Variants in MTUS2 observed in about 807,000 individuals in gnomAD.
The protein encoded by MTUS2 is microtubule-associated tumor suppressor candidate 2.
Under a neutral mutation model 114.1 loss-of-function variants are expected in MTUS2, and 40 were observed. The ratio of observed to expected loss-of-function variants is 0.35; its 90% CI spans 0.27 to 0.46. The LOEUF is 0.46. Among genes scored for constraint, MTUS2 ranks in the 20% least tolerant of loss-of-function variants. The pLI is 1.00. For synonymous variants in MTUS2, 688 were observed against 672.0 expected (o/e 1.02, Z -0.37); for missense variants, 1,679 against 1,705.4 (o/e 0.98, Z 0.27).
chr13:29,431,722 C>T (rs549710147), intron 8 of MTUS2, among the ~76,000 whole-genome samples: 1 of 152,304 alleles, frequency 6.6e-6, no homozygotes, highest in African/African-American at 2.4e-5. Flanking sequence ...CTTTTAGCCT[C>T]ATTTTATGAA....
At chr13:29,033,702 TC>T (rs2138519783) in intron 3 of MTUS2, among the ~76,000 whole-genome samples, 182 bp from the exon 4 acceptor site, 1 of 152,092 alleles carries the variant, frequency 6.6e-6, no homozygotes, top group East Asian at 1.9e-4. Flanking sequence ...ACCTGAGAGA[TC>T]ATCCAGTGTG....
At chr13:29,106,783 T>G (rs1221741831) in intron 5 of MTUS2, among the ~76,000 whole-genome samples, 1 of 152,166 alleles carries the variant, frequency 6.6e-6, no homozygotes, top group Non-Finnish European at 1.5e-5. Flanking sequence ...CAGTGCTTTC[T>G]AATCCACAAG....
chr13:29,209,858 A>G (rs1895351745), intron 5 of MTUS2, among the ~76,000 whole-genome samples: 1 of 152,162 alleles, frequency 6.6e-6, no homozygotes, highest in Admixed American at 6.5e-5. Context: ...CACAGCTTTT[A>G]AGATTCTTTC....
Position 29,024,794 on chromosome 13 carries a change from G to A in MTUS2, c.96G>A (p.Leu32=). ...ARNNNESILS[L]GDTNANQIML... is the part of the protein sequence containing the mutation. ...ATAATAATGAAAGCATCTTAAGTCT[G>A]GGAGATACGAATGCCAATCAAATCA... is the stretch of plus-strand genomic sequence containing the variant. Residue 32 remains leucine (L), a synonymous_variant, in exon 3 of 16, where the codon CTG becomes CTA. Transcript: ENST00000612955. 1 of 1,614,024 alleles carries A rather than the reference G, an allele frequency of 6.2e-7. No individual in the cohort carries two copies. Among genetic ancestry groups the A allele is most frequent in the Non-Finnish European group, 8.5e-7 (1 of 1,179,896 alleles).
chr13:29,317,664 T>C (rs1900059245), intron 6 of MTUS2, among the ~76,000 whole-genome samples: 1 of 11,224 alleles, frequency 8.9e-5, no homozygotes, highest in Non-Finnish European at 2.6e-4. Context: ...GGTCTCCATC[T>C]CCTGACCTCG....
intron 5 of MTUS2, among the ~76,000 whole-genome samples, chr13:29,129,178 C>T (rs1430912071): frequency 2.2e-5 from 3 of 136,946 alleles, no homozygotes. Context: ...GAACTGTTTT[C>T]CCCTGGCAGT....
intron 2 of MTUS2, among the ~76,000 whole-genome samples, chr13:28,955,539 A>T (rs542435942): frequency 6.6e-6 from 1 of 152,160 alleles, no homozygotes; most frequent in African/African-American, 2.4e-5. Flanking sequence ...TGTGACCCAT[A>T]TATGTGATGG....
At chr13:28,856,501 G>A (rs1345467333) in intron 2 of MTUS2, among the ~76,000 whole-genome samples, 1 of 152,192 alleles carries the variant, frequency 6.6e-6, no homozygotes, top group East Asian at 1.9e-4. Flanking sequence ...CACTGGGAAA[G>A]CAGGCAGGAT....
At chr13:29,367,990 C>G (rs9508416) in intron 8 of MTUS2, among the ~76,000 whole-genome samples, 13 of 146,764 alleles carry the variant, frequency 8.9e-5, no homozygotes, top group Admixed American at 2.8e-4. Flanking sequence ...CCAGGCTGGA[C>G]GGCAGTGGCG....
intron 2 of MTUS2, among the ~76,000 whole-genome samples, chr13:28,926,661 G>T (rs1881344423): frequency 6.6e-6 from 1 of 152,048 alleles, no homozygotes; most frequent in Non-Finnish European, 1.5e-5. Flanking sequence ...TAAACGTACA[G>T]GCTTAATTTT....
intron 5 of MTUS2, among the ~76,000 whole-genome samples, chr13:29,119,486 C>T (rs977575127): frequency 1.2e-4 from 18 of 152,092 alleles, no homozygotes; most frequent in Non-Finnish European, 2.5e-4. Flanking sequence ...GAAAATACCT[C>T]TTTTGTGAAA....
Position 29,025,593 on chromosome 13 carries a change from G to A in MTUS2, c.895G>A (p.Ala299Thr), listed in dbSNP as rs768142172. 3.7e-6 allele frequency: 6 copies of A among 1,613,924 alleles called. No homozygotes were observed. The highest frequency in any genetic ancestry group is 1.3e-5 in the African/African-American group (1 of 74,942). ...ASKEIPSKLE[A>T]QLGQGKGEAK... ...GAAGGAAATCCCAAGTAAACTGGAA[G>A]CACAATTAGGTCAGGGAAAGGGAGA... Residue 299 changes from alanine to threonine, a missense_variant, in exon 3 of 16, where the codon GCA (alanine) becomes ACA (threonine). Transcript: ENST00000612955.
chr13:29,242,334 CTT>C (rs1177425849), intron 5 of MTUS2, among the ~76,000 whole-genome samples: 1 of 152,156 alleles, frequency 6.6e-6, no homozygotes, highest in East Asian at 1.9e-4. Flanking sequence ...TATGTGGTCT[CTT>C]TTGTCTGGCA....
chr13:29,058,578 TTTTA>T (rs1888251469), intron 4 of MTUS2, among the ~76,000 whole-genome samples: 1 of 131,596 alleles, frequency 7.6e-6, no homozygotes, highest in African/African-American at 2.8e-5. Flanking sequence ...TTTTTTTTTT[TTTTA>T]ATTATTATTT....
intron 4 of MTUS2, among the ~76,000 whole-genome samples, chr13:29,088,959 A>C (rs1889819574): frequency 6.6e-6 from 1 of 152,152 alleles, no homozygotes; most frequent in Non-Finnish European, 1.5e-5. Context: ...ATTTACATTT[A>C]AGGTCAATAT....
chr13:29,498,459 G>A lies in MTUS2; in HGVS notation c.3720G>A (p.Lys1240=). 6.2e-7 allele frequency: 1 copy of A among 1,614,220 alleles called. No individual in the cohort carries two copies. The highest frequency in any genetic ancestry group is 1.1e-5 in the South Asian group (1 of 91,078). Residue 1240 remains lysine (K), a synonymous_variant, in exon 14 of 16, where the codon AAG becomes AAA. Coordinates refer to ENST00000612955, the MANE Select transcript of MTUS2 (RefSeq NM_001033602.4). The part of the protein sequence containing the change: ...APYQHLEEDM[K]SLKQVLEMKN... ...ATCAGCACTTGGAAGAAGACATGAA[G>A]AGTCTGAAGCAGGTATTAGAAATGA...
intron 2 of MTUS2, among the ~76,000 whole-genome samples, chr13:28,893,214 T>C (rs932729935): frequency 6.6e-6 from 1 of 152,188 alleles, no homozygotes; most frequent in African/African-American, 2.4e-5. Flanking sequence ...CAGAGTCAGG[T>C]GTCCTAGCCA....
At chr13:29,476,851 T>C (rs1880742024) in intron 9 of MTUS2, 1 of 152,200 alleles carries the variant, frequency 6.6e-6, no homozygotes, top group African/African-American at 2.4e-5. Flanking sequence ...AGGTGAAAAA[T>C]GATTGCCTGC....
chr13:28,827,711 G>A (rs927079336), intron 1 of MTUS2, among the ~76,000 whole-genome samples: 3 of 152,094 alleles, frequency 2.0e-5, no homozygotes, highest in African/African-American at 4.8e-5. Context: ...CTGGGTGTCT[G>A]GGGGAGACAT....
Sources: allele counts gnomAD v4.1 joint callset (sites outside exome capture counted in the v4.1 genomes callset), GRCh38; gene constraint gnomAD v4.1.1; transcripts MANE v1.5; gene names NCBI Gene and HGNC (gene_info 2026-07-23, HGNC 2026-07-21).